Variants in SBSN observed in about 807,000 individuals in gnomAD.
The protein encoded by SBSN is HLAR698.
Under a neutral mutation model 42.8 loss-of-function variants are expected in SBSN, and 33 were observed. The ratio of observed to expected loss-of-function variants is 0.77; its 90% CI spans 0.58 to 1.03. SBSN has a LOEUF of 1.03. SBSN is among the 50% of genes least tolerant of loss of function. The pLI is 0.00. For synonymous variants in SBSN, 276 were observed against 307.0 expected (o/e 0.90, Z 1.06); for missense variants, 646 against 757.3 (o/e 0.85, Z 1.72).
At chr19:35,524,973 T>A (rs1278190435) in intron 1 of SBSN, 49 bp from the exon 2 acceptor site, 1 of 1,594,736 alleles carries the variant, frequency 6.3e-7, no homozygotes, top group African/African-American at 1.3e-5. Context: ...ACGCGGAGGG[T>A]CTCCCAGTTC....
chr19:35,523,716 A>G (rs3815018), intron 3 of SBSN, among the ~76,000 whole-genome samples, 183 bp from the exon 4 acceptor site: 21,831 of 152,132 alleles, frequency 0.14, 2,081 homozygotes, highest in East Asian at 0.43. Context: ...GCCAGTCCCC[A>G]CAGGCAGAGG....
At position 35,524,865 on chromosome 19, in the gene SBSN, G is replaced by T; in HGVS notation, c.1698C>A (p.Ala566=). ...CCCCAGAGTCCGCGCTTACCCCAGA[G>T]GCTAACGGCGTGGTTGTGGCCCCTC... ...HQGGATTTPL[A]SGASVNTPFI... is the part of the protein sequence containing the mutation. The change falls in exon 2 of 4, where the codon GCC becomes GCA. Residue 566 remains alanine (A), a synonymous_variant. Transcript: ENST00000452271. The T allele has an allele frequency of 1.2e-6, 2 of 1,614,140 alleles. No individual in the cohort carries two copies. Among genetic ancestry groups the T allele is most frequent in the Non-Finnish European group, 1.7e-6 (2 of 1,180,004 alleles).
intron 3 of SBSN, 60 bp from the exon 4 acceptor site, chr19:35,523,593 G>T: frequency 1.3e-6 from 2 of 1,557,130 alleles, no homozygotes; most frequent in Non-Finnish European, 1.8e-6. Context: ...CGGGACCCGA[G>T]ACCTCAGCCC....
At position 35,525,584 on chromosome 19, in the gene SBSN, C is replaced by T. The variant is rs550976193; in HGVS notation, c.1639-660G>A. 7.9e-5 allele frequency among the ~76,000 whole-genome samples: 12 copies of T among 152,144 alleles called. No homozygotes were observed. The East Asian group carries it at 2.3e-3, about 29-fold the overall frequency. The stretch of plus-strand genomic sequence containing the variant: ...TGGAGAGTGAGGGCGCACAGGAGTC[C>T]ACCCTCTCCTGCTCCCCACGCTCCC... On this transcript the variant is annotated intron_variant, in intron 1 of 3. Transcript: ENST00000452271.
In SBSN at chr19:35,527,973, A is replaced by T; in HGVS notation, c.309T>A (p.His103Gln). Residue 103 changes from histidine (H) to glutamine (Q), a missense_variant, in exon 1 of 4, where the codon CAT (histidine) becomes CAA (glutamine). His to Gln is a conservative substitution (Grantham distance 24). This residue lies in a region of SBSN where 190 missense variants were observed against 197.1 expected (regional missense o/e 0.96). Coordinates refer to ENST00000452271, the MANE Select transcript of SBSN (RefSeq NM_001166034.2). ...CTTCCTTTCCTGCTTGTCCAATACC[A>T]TGGTTGATCTCATGGGCAACCTTGT... ...GMDKVAHEINHGIGQAGKEAE... is the reference protein window; with the variant it reads ...GMDKVAHEINQGIGQAGKEAE... The T allele has an allele frequency of 6.2e-7, 1 of 1,613,634 alleles. No individual in the cohort carries two copies. Among genetic ancestry groups the T allele is most frequent in the Non-Finnish European group, 8.5e-7 (1 of 1,179,972 alleles).
chr19:35,523,540 G>C lies in SBSN; in HGVS notation c.1750-7C>G. On this transcript the variant is annotated splice_region_variant and splice_polypyrimidine_tract_variant and intron_variant, in intron 3 of 3. Coordinates refer to ENST00000452271, the MANE Select transcript of SBSN (RefSeq NM_001166034.2). ...GCATGATGTTGGCGACGCTCTGGAA[G>C]AGAGAAGGAGAGCAGGGGTGAATGT... The C allele has an allele frequency of 6.2e-7, 1 of 1,614,142 alleles. No homozygotes were observed. Among genetic ancestry groups the C allele is most frequent in the Non-Finnish European group, 8.5e-7 (1 of 1,179,984 alleles).
chr19:35,524,305 C>G (rs1282789597), intron 3 of SBSN, among the ~76,000 whole-genome samples: 2 of 152,176 alleles, frequency 1.3e-5, no homozygotes, highest in Non-Finnish European at 2.9e-5. Context: ...CACAGGCTCC[C>G]CCTCCCAGCA....
At position 35,524,964 on chromosome 19, in the gene SBSN, C is replaced by T. The variant is rs555554105; in HGVS notation, c.1639-40G>A. 373 of 1,604,018 alleles carry T rather than the reference C, an allele frequency of 2.3e-4. 1 individual carries two copies. In the East Asian group the frequency reaches 7.0e-3, roughly 30 times the overall value. ...CAGACTCTTGTTACAACCCCACAAA[C>T]GCGGAGGGTCTCCCAGTTCCTTTTC... On this transcript the variant is annotated intron_variant, in intron 1 of 3. Coordinates refer to ENST00000452271, the MANE Select transcript of SBSN (RefSeq NM_001166034.2).
rs140124828 is a variant in SBSN at position 35,524,990 on chromosome 19, C to T, written c.1639-66G>A. 69 of 1,550,230 alleles carry T rather than the reference C, an allele frequency of 4.5e-5. No individual in the cohort carries two copies. The African/African-American group carries it at 6.9e-4, about 16-fold the overall frequency. On this transcript the variant is annotated intron_variant, in intron 1 of 3. Transcript: ENST00000452271. ...GCGGAGGGTCTCCCAGTTCCTTTTC[C>T]CCAGGGACCTGGTCCCCTCCAGGGT...
Position 35,524,696 on chromosome 19 carries a change from C to A in SBSN, c.1749+15G>T. 1 of 1,613,784 alleles carries A rather than the reference C, an allele frequency of 6.2e-7. No individual in the cohort carries two copies. Among genetic ancestry groups the A allele is most frequent in the Non-Finnish European group, 8.5e-7 (1 of 1,179,806 alleles). On this transcript the variant is annotated intron_variant, in intron 3 of 3. Transcript: ENST00000452271. ...CAGGACGCAGAGCAGAAAAGAGACA[C>A]CATGGGGCACTCACCCTCCACAGGG...
At position 35,524,909 on chromosome 19, in the gene SBSN, C is replaced by T. The variant is rs951302654; in HGVS notation, c.1654G>A (p.Gly552Arg). Residue 552 changes from glycine (G) to arginine (R), a missense_variant, in exon 2 of 4, where the codon GGA becomes AGA. By Grantham distance (125) the Gly-to-Arg change is moderately radical (BLOSUM62 -2). Coordinates refer to ENST00000452271, the MANE Select transcript of SBSN (RefSeq NM_001166034.2). ...GCCCCTCCTTGATGGCTGGAAGATC[C>T]GCTTTGATGGTTGCCCTGTGGACAA... The part of the protein sequence containing the change: ...NQLLNGNHQS[G>R]SSSHQGGATT... 1.5e-5 allele frequency: 24 copies of T among 1,613,922 alleles called. No homozygotes were observed. In the East Asian group the frequency reaches 4.0e-4, roughly 27 times the overall value.
At chr19:35,524,603 T>A in intron 3 of SBSN, 108 bp downstream of exon 3, 3 of 1,151,806 alleles carry the variant, frequency 2.6e-6, no homozygotes, top group Non-Finnish European at 2.6e-6. Flanking sequence ...TTGCAGAGGC[T>A]GCAGGTCTGC....
chr19:35,525,593 C>T (rs866881880), intron 1 of SBSN, among the ~76,000 whole-genome samples: 2 of 152,216 alleles, frequency 1.3e-5, no homozygotes, highest in South Asian at 2.1e-4. Flanking sequence ...CCACCCTCTC[C>T]TGCTCCCCAC....
chr19:35,523,578 C>T, intron 3 of SBSN, 45 bp from the exon 4 acceptor site: 1 of 1,605,404 alleles, frequency 6.2e-7, no homozygotes, highest in South Asian at 1.1e-5. Flanking sequence ...GGTCCACAGT[C>T]ATGACGGGAC....
chr19:35,525,535 A>G (rs2071361049), intron 1 of SBSN, among the ~76,000 whole-genome samples: 1 of 139,660 alleles, frequency 7.2e-6, no homozygotes, highest in East Asian at 2.1e-4. Context: ...CACATCTTGC[A>G]GATCCAGGAC....
Position 35,525,953 on chromosome 19 carries a change from G to T in SBSN, c.1638+691C>A, listed in dbSNP as rs186099703. Among the ~76,000 whole-genome samples the T allele has an allele frequency of 4.0e-4, 61 of 152,266 alleles. No individual in the cohort carries two copies. In the East Asian group the frequency reaches 7.1e-3, roughly 18 times the overall value. ...CTGCCTCGGCCTCCCAAAGTGCTGG[G>T]GTTAACAGGCATGAGCCACTGAACC... On this transcript the variant is annotated intron_variant, in intron 1 of 3. Coordinates refer to ENST00000452271, the MANE Select transcript of SBSN (RefSeq NM_001166034.2).
Position 35,527,537 on chromosome 19 carries a change from C to T in SBSN, c.745G>A (p.Ala249Thr), listed in dbSNP as rs546608779. The change falls in exon 1 of 4, where the codon GCT becomes ACT. Residue 249 changes from alanine to threonine, a missense_variant. Around this residue, in one of 3 missense-constraint regions of SBSN, gnomAD observed 220 missense variants for 334.5 expected, o/e 0.66. Transcript: ENST00000452271. The stretch of plus-strand genomic sequence containing the variant: ...GCCTCATTTCCGGCCTGCCCCGCAG[C>T]ATGGTGGGCCCCCTGGCCAAACTTC... The part of the protein sequence containing the change: ...AEKFGQGAHH[A>T]AGQAGNEAGR... The T allele has an allele frequency of 6.6e-7, 1 of 1,525,396 alleles. No individual in the cohort carries two copies. Among genetic ancestry groups the T allele is most frequent in the East Asian group, 2.6e-5 (1 of 39,070 alleles). 94.5% of individuals were successfully genotyped at this position (1,525,396 alleles called of 1,614,324 possible).
At position 35,526,840 on chromosome 19, in the gene SBSN, TGGAAC is replaced by T; in HGVS notation, c.1437_1441del (p.Phe480HisfsTer22). The T allele has an allele frequency of 1.2e-6, 2 of 1,613,794 alleles. No homozygotes were observed. On this transcript the variant is annotated frameshift_variant, in exon 1 of 4. Coordinates refer to ENST00000452271, the MANE Select transcript of SBSN (RefSeq NM_001166034.2). LOFTEE classifies it high-confidence loss of function. ...CTTCCCAGCCTGGTGGACCCCAGTG[TGGAAC>T]CCTTGGACCGCTTTGTCTGCTTCCT...
chr19:35,524,649 G>T, intron 3 of SBSN, 62 bp downstream of exon 3: 1 of 1,575,624 alleles, frequency 6.3e-7, no homozygotes, highest in South Asian at 1.1e-5. Context: ...CACCGGGAAG[G>T]GGTCGGGGTG....
Sources: allele counts gnomAD v4.1 joint callset (sites outside exome capture counted in the v4.1 genomes callset), GRCh38; gene constraint gnomAD v4.1.1; regional missense constraint gnomAD v4.1.1; transcripts MANE v1.5; gene names NCBI Gene and HGNC (gene_info 2026-07-23, HGNC 2026-07-21).